The following PRELID2 variants were observed in gnomAD, a reference collection of about 807,000 sequenced individuals.
PRELID2 encodes the protein PRELI domain-containing protein 2.
Under a neutral mutation model 28.4 loss-of-function variants are expected in PRELID2, and 25 were observed. That is an observed-to-expected ratio of 0.88 (90% CI 0.64 to 1.23). The LOEUF is 1.23. Among genes scored for constraint, PRELID2 ranks in the 50% most tolerant of loss-of-function variants. PRELID2 has a pLI of 0.00. For missense variants in PRELID2, 201 were observed against 214.4 expected (o/e 0.94, Z 0.39); for synonymous variants, 76 against 71.6 (o/e 1.06, Z -0.31).
At chr5:145,791,402 G>A (rs1220304867) in intron 5 of PRELID2, among the ~76,000 whole-genome samples, 2 of 152,138 alleles carry the variant, frequency 1.3e-5, no homozygotes, top group East Asian at 1.9e-4. Flanking sequence ...TAAAAAGAAA[G>A]GTAAGTCTGA....
the PRELID2 span, among the ~76,000 whole-genome samples, chr5:145,325,235 T>A: frequency 6.6e-6 from 1 of 152,368 alleles, no homozygotes; most frequent in East Asian, 1.9e-4. Flanking sequence ...GTTTCTTGAT[T>A]GGCTGAAAGC....
intron 1 of PRELID2, among the ~76,000 whole-genome samples, chr5:145,626,483 C>T (rs929702290): frequency 2.0e-5 from 3 of 151,956 alleles, no homozygotes; most frequent in Non-Finnish European, 4.4e-5. Context: ...TACCATCTTA[C>T]ATCAGTCAGT....
At chr5:145,337,263 T>G in the PRELID2 span, among the ~76,000 whole-genome samples, 1 of 151,878 alleles carries the variant, frequency 6.6e-6, no homozygotes, top group East Asian at 1.9e-4. Flanking sequence ...GAAAAGATCA[T>G]CAAAACTGAG....
intron 1 of PRELID2, among the ~76,000 whole-genome samples, chr5:145,692,363 T>TACACACAC (rs57331963): frequency 2.7e-5 from 4 of 150,798 alleles, no homozygotes; most frequent in African/African-American, 9.7e-5. Context: ...TACATGGAGG[T>TACACACAC]ACACACACAC....
chr5:145,455,263 T>C, the PRELID2 span, among the ~76,000 whole-genome samples: 1 of 152,202 alleles, frequency 6.6e-6, no homozygotes, highest in African/African-American at 2.4e-5. Flanking sequence ...CAGATGGTTG[T>C]AGATATGTGG....
intron 1 of PRELID2, among the ~76,000 whole-genome samples, chr5:145,832,421 G>C (rs1192449453): frequency 2.6e-5 from 4 of 152,128 alleles, no homozygotes; most frequent in Non-Finnish European, 5.9e-5. Context: ...CTGACCTCAA[G>C]TGATCCGCCC....
chr5:145,770,715 T>A (rs1758048405), intron 5 of PRELID2, among the ~76,000 whole-genome samples: 3 of 152,150 alleles, frequency 2.0e-5, no homozygotes, highest in Admixed American at 6.5e-5. Flanking sequence ...ATGCCTTTGC[T>A]TTTAACAAAA....
intron 1 of PRELID2, among the ~76,000 whole-genome samples, chr5:145,722,505 A>T (rs1432290023): frequency 2.7e-5 from 4 of 150,306 alleles, no homozygotes; most frequent in African/African-American, 9.8e-5. Flanking sequence ...CAAATTAATA[A>T]TTTTTTTTTG....
chr5:145,560,491 A>C (rs969396504), intron 1 of PRELID2, among the ~76,000 whole-genome samples: 10 of 152,202 alleles, frequency 6.6e-5, no homozygotes, highest in Non-Finnish European at 1.5e-4. Flanking sequence ...ATTTATCCTT[A>C]ATATCACACG....
chr5:145,428,138 T>C, the PRELID2 span, among the ~76,000 whole-genome samples: 1 of 152,086 alleles, frequency 6.6e-6, no homozygotes, highest in Non-Finnish European at 1.5e-5. Flanking sequence ...TTCATATGTT[T>C]ACTAGAGATG....
At chr5:145,736,141 G>T (rs1177348160) in intron 1 of PRELID2, among the ~76,000 whole-genome samples, 1 of 152,192 alleles carries the variant, frequency 6.6e-6, no homozygotes, top group Non-Finnish European at 1.5e-5. Flanking sequence ...ACTGGTTCTT[G>T]TTAAAATGGT....
chr5:145,271,863 C>T, the PRELID2 span, among the ~76,000 whole-genome samples: 2 of 152,166 alleles, frequency 1.3e-5, no homozygotes, highest in Non-Finnish European at 2.9e-5. Flanking sequence ...TCAGATTTCA[C>T]CAATTCTGTG....
chr5:145,605,315 C>A (rs879533682), intron 1 of PRELID2, among the ~76,000 whole-genome samples: 2 of 151,866 alleles, frequency 1.3e-5, no homozygotes, highest in Non-Finnish European at 2.9e-5. Context: ...GGTTTTACAT[C>A]TATATCTTTA....
At chr5:145,650,448 G>C (rs905471144) in intron 1 of PRELID2, among the ~76,000 whole-genome samples, 2 of 146,452 alleles carry the variant, frequency 1.4e-5, no homozygotes, top group Non-Finnish European at 3.0e-5. Context: ...CCAGAGTTTT[G>C]GTCAGAGACA....
At chr5:145,515,457 C>T (rs1377188814) in intron 1 of PRELID2, among the ~76,000 whole-genome samples, 1 of 151,978 alleles carries the variant, frequency 6.6e-6, no homozygotes, top group Non-Finnish European at 1.5e-5. Context: ...AAGTCAAATC[C>T]CTGAATAAAA....
chr5:145,699,849 A>G (rs2149701987), intron 1 of PRELID2, among the ~76,000 whole-genome samples: 1 of 152,238 alleles, frequency 6.6e-6, no homozygotes, highest in Admixed American at 6.5e-5. Flanking sequence ...ATTCTTGGGG[A>G]TTCCAAAAAC....
intron 1 of PRELID2, among the ~76,000 whole-genome samples, chr5:145,655,954 G>C (rs776764121): frequency 8.5e-5 from 13 of 152,162 alleles, no homozygotes; most frequent in Non-Finnish European, 1.2e-4. Flanking sequence ...TACCATCAGA[G>C]TGAACAGGCA....
intron 1 of PRELID2, among the ~76,000 whole-genome samples, chr5:145,548,361 A>T (rs1210428292): frequency 2.0e-5 from 3 of 152,194 alleles, no homozygotes; most frequent in Admixed American, 6.5e-5. Flanking sequence ...GGAAAGGGGA[A>T]ATATTTAAGA....
intron 1 of PRELID2, among the ~76,000 whole-genome samples, chr5:145,674,793 A>G (rs2149685276): frequency 6.6e-6 from 1 of 152,248 alleles, no homozygotes; most frequent in East Asian, 1.9e-4. Context: ...CTAAAAATAC[A>G]CAAATTAGCC....
Sources: gnomAD v4.1 joint callset for allele counts (sites outside exome capture counted in the v4.1 genomes callset) on GRCh38, gnomAD v4.1.1 for gene constraint, MANE v1.5 for transcripts, NCBI Gene and HGNC (gene_info 2026-07-23, HGNC 2026-07-21) for gene names.